TNS1: variants seen among roughly 807,000 people sequenced by gnomAD.
TNS1 encodes tensin 1.
Under a neutral mutation model 168.6 loss-of-function variants are expected in TNS1, and 62 were observed. That is an observed-to-expected ratio of 0.37 (90% CI 0.30 to 0.45). The LOEUF is 0.45. Ranked by LOEUF, TNS1 falls within the 20% of genes least tolerant of loss-of-function variation. The pLI is 1.00. For synonymous variants in TNS1, 934 were observed against 933.2 expected (o/e 1.00, Z -0.02); for missense variants, 2,240 against 2,339.4 (o/e 0.96, Z 0.88).
At chr2:218,011,633 G>A (rs896991085), upstream of TNS1, among the ~76,000 whole-genome samples, 4 of 152,104 alleles carry the variant, frequency 2.6e-5, no homozygotes, top group Non-Finnish European at 5.9e-5. Context: ...CACTGTGTGG[G>A]CGGAGGCCCT....
Position 217,818,078 on chromosome 2 carries a change from G to A in TNS1, c.4254C>T (p.Ser1418=). 1 of 1,612,578 alleles carries A rather than the reference G, an allele frequency of 6.2e-7. No individual in the cohort carries two copies. The highest frequency in any genetic ancestry group is 8.5e-7 in the Non-Finnish European group (1 of 1,179,278). ...AGGCCACATGCCGGTCCAAGCAGGG[G>A]CTGCCGGGAACCACAGATCCAGACC... ...LGGSGSVVPG[S]PCLDRHVAYG... Residue 1418 remains serine (S), a synonymous_variant, in exon 24 of 33, where the codon AGC becomes AGT. Transcript: ENST00000682258.
In TNS1 at chr2:218,031,053, CAT is replaced by C. The variant is rs548086761; in HGVS notation, c.156+2765_156+2766del. ...GTGTGTATGTGAGTGAGCATGTGAGCATATGTGTGAGTGTATGTGTGTGTTTG... is the reference window on the plus strand; with the variant it reads ...GTGTGTATGTGAGTGAGCATGTGAGCATGTGTGAGTGTATGTGTGTGTTTG... On this transcript the variant is annotated intron_variant, in intron 1 of 1. Coordinates refer to the TNS1 transcript ENST00000649572. 7.0e-4 allele frequency among the ~76,000 whole-genome samples: 102 copies of C among 145,312 alleles called. 1 individual carries two copies. Among genetic ancestry groups the C allele is most frequent in the Admixed American group, 1.4e-3 (20 of 14,628 alleles).
intron 24 of TNS1, 58 bp downstream of exon 24, chr2:217,817,632 C>T (rs1305920802): frequency 7.1e-7 from 1 of 1,404,524 alleles, no homozygotes; most frequent in Non-Finnish European, 9.7e-7. Flanking sequence ...ATAGATATTT[C>T]ACTCTTCTAC....
chr2:218,020,050 T>A (rs1410882268), intron 1 of TNS1, among the ~76,000 whole-genome samples: 1 of 152,116 alleles, frequency 6.6e-6, no homozygotes, highest in East Asian at 1.9e-4. Context: ...AACACACATG[T>A]TGACTCTCGC....
At position 217,956,292 on chromosome 2, in the gene TNS1, C is replaced by T. The variant is rs368331507; in HGVS notation, c.186+22473G>A. 1.0e-3 allele frequency among the ~76,000 whole-genome samples: 158 copies of T among 152,202 alleles called. 1 individual carries two copies. Among genetic ancestry groups the T allele is most frequent in the African/African-American group, 3.5e-3 (144 of 41,522 alleles). On this transcript the variant is annotated intron_variant, in intron 3 of 32. Transcript: ENST00000682258. ...TGCTGGGACTACAGGCATGAGCCAC[C>T]GCACCCGGCCACTCTTTGAACTTTG...
At chr2:217,807,543 A>T (rs1017454739) in intron 32 of TNS1, among the ~76,000 whole-genome samples, 3 of 152,100 alleles carry the variant, frequency 2.0e-5, no homozygotes, top group Admixed American at 1.3e-4. Flanking sequence ...AGGGTCAGAG[A>T]CCCAGGCAGG....
intron 11 of TNS1, among the ~76,000 whole-genome samples, chr2:217,891,321 C>T (rs1951725830): frequency 6.6e-6 from 1 of 152,182 alleles, no homozygotes; most frequent in Admixed American, 6.5e-5. Context: ...CTTATGAGCC[C>T]CGTGTCCTGG....
Position 218,008,310 on chromosome 2 carries a change from G to A in TNS1, c.96+1790C>T, listed in dbSNP as rs188584991. On this transcript the variant is annotated intron_variant, in intron 1 of 32. Transcript: ENST00000646520. ...CAGCTGCAGCTGCTCATCCACCCCC[G>A]ACCCCCAGTCGCCAGCTCAAATCCT... Among the ~76,000 whole-genome samples, 75 of 152,266 alleles carry A rather than the reference G, an allele frequency of 4.9e-4. 1 individual carries two copies. Among genetic ancestry groups the A allele is most frequent in the Middle Eastern group, 3.4e-3 (1 of 294 alleles).
chr2:217,914,016 G>T (rs1428822045), intron 4 of TNS1, among the ~76,000 whole-genome samples: 2 of 151,916 alleles, frequency 1.3e-5, no homozygotes. Context: ...CTCAGCAATT[G>T]GTACCAAGGT....
chr2:217,931,468 G>A (rs1956315871), intron 3 of TNS1, among the ~76,000 whole-genome samples: 2 of 152,340 alleles, frequency 1.3e-5, no homozygotes, highest in African/African-American at 2.4e-5. Context: ...TGTGAGGGTA[G>A]GTGCGGGGGG....
chr2:217,963,889 C>CAAAAAAAAAAAAAA (rs58953604), intron 3 of TNS1, among the ~76,000 whole-genome samples: 1 of 126,402 alleles, frequency 7.9e-6, no homozygotes. Flanking sequence ...ACTAAAAATA[C>CAAAAAAAAAAAAAA]AAAAAAAAAA....
At chr2:217,993,609 C>T (rs988135633) in intron 1 of TNS1, among the ~76,000 whole-genome samples, 2 of 152,194 alleles carry the variant, frequency 1.3e-5, no homozygotes, top group Admixed American at 6.5e-5. Context: ...CAAGGAAAGG[C>T]TGAGGAGCTT....
intron 29 of TNS1, 112 bp from the exon 30 acceptor site, chr2:217,810,103 G>A: frequency 6.9e-7 from 1 of 1,457,646 alleles, no homozygotes; most frequent in Non-Finnish European, 9.4e-7. Flanking sequence ...CTAGCCTTGA[G>A]CCAAGGCATC....
upstream of TNS1, among the ~76,000 whole-genome samples, chr2:218,004,469 T>G (rs946359269): frequency 6.6e-6 from 1 of 152,004 alleles, no homozygotes; most frequent in Admixed American, 6.5e-5. Context: ...GCCCAGCCAC[T>G]TGTGCCAACT....
At position 217,880,509 on chromosome 2, in the gene TNS1, A is replaced by T. The variant is rs368236416; in HGVS notation, c.1429+389T>A. Among the ~76,000 whole-genome samples the T allele has an allele frequency of 2.0e-5, 3 of 152,216 alleles. No individual in the cohort carries two copies. The highest frequency in any genetic ancestry group is 7.2e-5 in the African/African-American group (3 of 41,532). On this transcript the variant is annotated intron_variant, in intron 18 of 32. Transcript: ENST00000682258. This position sits in a 1 kb window ranked among gnomAD's most constrained non-coding sequence, Gnocchi z 4.2. ...CACATGTGACAAATGCTGTTTTTGC[A>T]GCACAGTGGGGGGTATCTCAAGCTC...
intron 1 of TNS1, among the ~76,000 whole-genome samples, chr2:218,024,208 C>A (rs983771803): frequency 1.3e-5 from 2 of 152,116 alleles, no homozygotes; most frequent in Non-Finnish European, 2.9e-5. Flanking sequence ...TACTGTTTCC[C>A]CTCTGAGTTG....
At chr2:218,007,988 G>T (rs1958675077), upstream of TNS1, among the ~76,000 whole-genome samples, 1 of 152,182 alleles carries the variant, frequency 6.6e-6, no homozygotes, top group Non-Finnish European at 1.5e-5. Flanking sequence ...CACTCCTCTA[G>T]TACCAGATTG....
intron 19 of TNS1, among the ~76,000 whole-genome samples, chr2:217,842,608 C>T (rs1946127862): frequency 6.6e-6 from 1 of 152,142 alleles, no homozygotes; most frequent in Admixed American, 6.5e-5. Flanking sequence ...CCATCCTGCC[C>T]ACCCTGGTCA....
chr2:218,008,832 C>T (rs1958681624), intron 1 of TNS1, among the ~76,000 whole-genome samples: 1 of 152,154 alleles, frequency 6.6e-6, no homozygotes, highest in South Asian at 2.1e-4. Flanking sequence ...CAACTCTGGC[C>T]TGCCTAATGG....
Sources: gnomAD v4.1 joint callset for allele counts (sites outside exome capture counted in the v4.1 genomes callset) on GRCh38, gnomAD v4.1.1 for gene constraint, Gnocchi (gnomAD v3.1) non-coding constraint, MANE v1.5 for transcripts, NCBI Gene and HGNC (gene_info 2026-07-23, HGNC 2026-07-21) for gene names.